Variants in INSL6 observed in about 807,000 individuals in gnomAD.
INSL6 encodes insulin like 6, also known as insulin-like peptide INSL6.
INSL6 carries 16 observed loss-of-function variants against 9.4 expected under a neutral mutation model. The observed-to-expected ratio is 1.70, with a 90% CI of 1.15 to 2.59. INSL6 has a LOEUF of 2.59. Among genes scored for constraint, INSL6 ranks in the 30% most tolerant of loss-of-function variants. The probability of loss-of-function intolerance (pLI) is 0.00; values close to 1 mark genes in which losing one functional copy is unlikely to be tolerated. For synonymous variants in INSL6, 154 were observed against 96.9 expected, an observed-to-expected ratio of 1.59 and a Z score of -3.46; for missense variants, 391 against 257.3, an observed-to-expected ratio of 1.52 and a Z score of -3.56.
chr9:5,009,436 A>G, the INSL6 span, among the ~76,000 whole-genome samples: 1 of 148,584 alleles, frequency 6.7e-6, no homozygotes, highest in Non-Finnish European at 1.5e-5. Flanking sequence ...ACTAGTCAGG[A>G]TTTTTTTTTT....
At chr9:5,080,825 T>C in the INSL6 span, 1 of 510,860 alleles carries the variant, frequency 2.0e-6, no homozygotes, top group Non-Finnish European at 3.3e-6. Context: ...ATATGGCTTT[T>C]CATGCTTTAT....
At chr9:5,094,441 T>A in the INSL6 span, 1 of 152,104 alleles carries the variant, frequency 6.6e-6, no homozygotes, top group Non-Finnish European at 1.5e-5. Flanking sequence ...AGGATAAGCA[T>A]CCAATTCAAA....
the INSL6 span, among the ~76,000 whole-genome samples, chr9:5,082,776 C>A: frequency 6.6e-6 from 1 of 152,236 alleles, no homozygotes; most frequent in Non-Finnish European, 1.5e-5. Context: ...AGCATACTGC[C>A]TGTACACATT....
At chr9:5,111,746 G>A in the INSL6 span, 7 of 425,516 alleles carry the variant, frequency 1.6e-5, no homozygotes, top group South Asian at 7.0e-5. Context: ...CCGGCTGCAC[G>A]GAGGAGAAGT....
the INSL6 span, among the ~76,000 whole-genome samples, chr9:4,998,748 A>C: frequency 5.9e-5 from 9 of 152,002 alleles, no homozygotes; most frequent in Non-Finnish European, 8.8e-5. Flanking sequence ...AAACAAAAAA[A>C]AAAACAACAA....
the INSL6 span, among the ~76,000 whole-genome samples, chr9:5,029,235 G>C: frequency 3.7e-3 from 557 of 152,264 alleles, 3 homozygotes; most frequent in African/African-American, 0.013. Flanking sequence ...AGAGGCCTAA[G>C]GAGAGGGAGA....
chr9:5,048,941 A>C, the INSL6 span, among the ~76,000 whole-genome samples: 2 of 152,158 alleles, frequency 1.3e-5, no homozygotes, highest in South Asian at 4.2e-4. Context: ...TTATGTTTAG[A>C]ATATTTGTAC....
rs1488209484 is a variant in INSL6 at position 5,185,593 on chromosome 9, G to C, written c.10C>G (p.Leu4Val). 1 of 1,612,372 alleles carries C rather than the reference G, an allele frequency of 6.2e-7. No homozygotes were observed. The highest frequency in any genetic ancestry group is 2.2e-5 in the East Asian group (1 of 44,844). Residue 4 changes from leucine (L) to valine (V), a missense_variant, in exon 1 of 2, where the codon CTC becomes GTC. Leu to Val is a conservative substitution (Grantham distance 32, BLOSUM62 1). Coordinates refer to ENST00000381641, the MANE Select transcript of INSL6 (RefSeq NM_007179.3). ...AGCCACAGCAGGGACAAGCGGAGGA[G>C]CCGCGGCATCCCTGTGACCCCAGGC... MPR[L>V]LRLSLLWLGL...
chr9:5,140,032 C>T (rs563779426), intron 2 of INSL6, among the ~76,000 whole-genome samples: 2 of 152,120 alleles, frequency 1.3e-5, no homozygotes, highest in South Asian at 2.1e-4. Flanking sequence ...AAAAAACCCA[C>T]AACATTAAAT....
chr9:5,003,342 T>A, the INSL6 span, among the ~76,000 whole-genome samples: 1 of 152,038 alleles, frequency 6.6e-6, no homozygotes, highest in Non-Finnish European at 1.5e-5. Flanking sequence ...TTTTCTGTAT[T>A]CTTATATCAG....
chr9:5,155,535 AAAAAAAG>A (rs1322584480), intron 2 of INSL6, among the ~76,000 whole-genome samples: 5 of 151,890 alleles, frequency 3.3e-5, no homozygotes, highest in East Asian at 1.9e-4. Flanking sequence ...TAAATAAAAA[AAAAAAAG>A]AAAAAAGAAA....
rs1219205961 is a variant in INSL6, at chr9:5,182,841, C to T, written c.289+2473G>A. Among the ~76,000 whole-genome samples, 5 of 152,016 alleles carry T rather than the reference C, an allele frequency of 3.3e-5. No homozygotes were observed. In the South Asian group the frequency reaches 8.3e-4, roughly 25 times the overall value. On this transcript the variant is annotated intron_variant, in intron 1 of 1. Coordinates refer to ENST00000381641, the MANE Select transcript of INSL6 (RefSeq NM_007179.3). ...ATGTCAACTTCATGGTGCCACATTACGGGGTAGGTCTTGGAGATACTGCCT... is the reference window on the plus strand; with the variant it reads ...ATGTCAACTTCATGGTGCCACATTATGGGGTAGGTCTTGGAGATACTGCCT...
At chr9:5,098,242 G>A in the INSL6 span, 1 of 152,120 alleles carries the variant, frequency 6.6e-6, no homozygotes, top group East Asian at 1.9e-4. Context: ...CTGGTTTCAA[G>A]CCAATCAAAA....
the INSL6 span, among the ~76,000 whole-genome samples, chr9:5,062,467 C>T: frequency 7.6e-6 from 1 of 131,796 alleles, no homozygotes; most frequent in East Asian, 2.2e-4. Flanking sequence ...CTTGTACTTG[C>T]TCCACTTAAG....
chr9:5,075,848 G>GT, the INSL6 span, among the ~76,000 whole-genome samples: 1 of 152,122 alleles, frequency 6.6e-6, no homozygotes, highest in African/African-American at 2.4e-5. Context: ...TCTGGGTAAA[G>GT]TAAGTAGAAA....
the INSL6 span, among the ~76,000 whole-genome samples, chr9:5,075,594 T>C: frequency 2.0e-5 from 3 of 152,180 alleles, no homozygotes; most frequent in South Asian, 2.1e-4. Flanking sequence ...TTTAAGCCCA[T>C]TGTTGAGACC....
the INSL6 span, chr9:5,084,890 T>C: frequency 2.3e-6 from 1 of 433,790 alleles, no homozygotes; most frequent in South Asian, 1.9e-5. Flanking sequence ...GTTTGATATC[T>C]TTTAAAATGA....
the INSL6 span, among the ~76,000 whole-genome samples, chr9:5,023,294 A>G: frequency 1.3e-5 from 2 of 152,200 alleles, no homozygotes; most frequent in African/African-American, 2.4e-5. Flanking sequence ...CACTCGACAT[A>G]ATGACCTTCA....
the INSL6 span, chr9:5,094,477 G>T: frequency 6.6e-6 from 1 of 152,106 alleles, no homozygotes; most frequent in Admixed American, 6.5e-5. Context: ...CACACTACGA[G>T]CTGTGGCCCA....
Sources: gnomAD v4.1 joint callset for allele counts (sites outside exome capture counted in the v4.1 genomes callset) on GRCh38, gnomAD v4.1.1 for gene constraint, MANE v1.5 for transcripts, NCBI Gene and HGNC (gene_info 2026-07-23, HGNC 2026-07-21) for gene names.